Variants in MAP2K1 observed in about 807,000 individuals in gnomAD.
MAP2K1 encodes the protein dual specificity mitogen-activated protein kinase kinase 1.
Under a neutral mutation model 46.3 loss-of-function variants are expected in MAP2K1, and 16 were observed. The observed-to-expected ratio is 0.35, with a 90% CI of 0.23 to 0.52. The LOEUF is 0.52. Ranked by LOEUF, MAP2K1 falls within the 20% of genes least tolerant of loss-of-function variation. The pLI is 0.94. For synonymous variants in MAP2K1, 183 were observed against 185.6 expected (o/e 0.99, Z 0.11); for missense variants, 263 against 497.1 (o/e 0.53, Z 4.48).
intron 5 of MAP2K1, among the ~76,000 whole-genome samples, chr15:66,471,464 G>A (rs972846129): frequency 6.6e-6 from 1 of 152,176 alleles, no homozygotes; most frequent in Non-Finnish European, 1.5e-5. Flanking sequence ...GGGCCACAGA[G>A]CTAGTAGATG....
At chr15:66,438,856 C>T (rs138005043) in intron 3 of MAP2K1, among the ~76,000 whole-genome samples, 5 of 152,206 alleles carry the variant, frequency 3.3e-5, no homozygotes, top group African/African-American at 7.2e-5. Flanking sequence ...GCTTGGGACT[C>T]GATGGGGGAG....
chr15:66,463,762 G>A (rs1189464294), intron 5 of MAP2K1, among the ~76,000 whole-genome samples: 1 of 152,236 alleles, frequency 6.6e-6, no homozygotes. Context: ...GGGATTACAG[G>A]CGTGAGCCAC....
intron 1 of MAP2K1, among the ~76,000 whole-genome samples, chr15:66,417,946 C>T (rs967392529): frequency 6.6e-6 from 1 of 152,110 alleles, no homozygotes; most frequent in Non-Finnish European, 1.5e-5. Context: ...CCCGACCGTA[C>T]TTATGGTTCT....
At chr15:66,489,821 T>A in intron 10 of MAP2K1, 58 bp downstream of exon 10, 2 of 1,420,772 alleles carry the variant, frequency 1.4e-6, no homozygotes, top group Non-Finnish European at 2.0e-6. Flanking sequence ...TTCTTCTCTG[T>A]CAGTCATCTG....
At chr15:66,470,909 C>T (rs1892618238) in intron 5 of MAP2K1, among the ~76,000 whole-genome samples, 1 of 152,164 alleles carries the variant, frequency 6.6e-6, no homozygotes. Context: ...TTTAGGGAGA[C>T]ATGAGACATC....
Position 66,489,048 on chromosome 15 carries a change from CCTT to C in MAP2K1, c.961-164_961-162del, listed in dbSNP as rs1893149664. The C allele has an allele frequency of 5.9e-6, 4 of 677,362 alleles. No homozygotes were observed. The South Asian group carries it at 6.4e-5, about 11-fold the overall frequency. 42.0% of individuals were successfully genotyped at this position (677,362 alleles called of 1,614,324 possible). ...ATGGTTACCCAACAGGCAGCACTGG[CCTT>C]CTACCTGTGCCTTTCCTTGACTGGA... On this transcript the variant is annotated intron_variant, in intron 8 of 10. Transcript: ENST00000307102.
At chr15:66,396,995 CTTTTTTTTTTTTTTT>C (rs57043037) in intron 1 of MAP2K1, among the ~76,000 whole-genome samples, 2 of 39,246 alleles carry the variant, frequency 5.1e-5, no homozygotes, top group Non-Finnish European at 9.1e-5. Context: ...TGTAACGCTT[CTTTTTTTTTTTTTTT>C]TTTTTTTTTT....
chr15:66,460,493 A>G (rs907349661), intron 5 of MAP2K1, among the ~76,000 whole-genome samples: 7 of 152,172 alleles, frequency 4.6e-5, no homozygotes, highest in African/African-American at 1.7e-4. Context: ...TTTTACAGGA[A>G]ATAGCAAGTG....
chr15:66,465,061 A>G (rs1220294703), intron 5 of MAP2K1, among the ~76,000 whole-genome samples: 1 of 151,480 alleles, frequency 6.6e-6, no homozygotes, highest in African/African-American at 2.4e-5. Flanking sequence ...CATCTCTACC[A>G]AAAATACAAA....
chr15:66,475,080 G>A (rs185400251), intron 5 of MAP2K1, among the ~76,000 whole-genome samples: 15 of 152,198 alleles, frequency 9.9e-5, no homozygotes, highest in Non-Finnish European at 1.8e-4. Flanking sequence ...GGAAATTTGG[G>A]TGGGGGAAAA....
At chr15:66,453,744 A>G (rs1892095141) in intron 5 of MAP2K1, among the ~76,000 whole-genome samples, 1 of 152,160 alleles carries the variant, frequency 6.6e-6, no homozygotes, top group South Asian at 2.1e-4. Context: ...TCTGCCTCAA[A>G]TTTTTATTTG....
intron 1 of MAP2K1, among the ~76,000 whole-genome samples, chr15:66,400,174 AC>A (rs2093377988): frequency 6.6e-6 from 1 of 151,896 alleles, no homozygotes; most frequent in Non-Finnish European, 1.5e-5. Flanking sequence ...GCAAAAAAAA[AC>A]CTTTTCTGCT....
chr15:66,465,681 C>A (rs1892446114), intron 5 of MAP2K1, among the ~76,000 whole-genome samples: 1 of 152,056 alleles, frequency 6.6e-6, no homozygotes, highest in Admixed American at 6.6e-5. Context: ...GAGCGAAACT[C>A]CATCTCAAAA....
chr15:66,392,273 T>TTTA, intron 1 of MAP2K1, among the ~76,000 whole-genome samples: 1 of 136,948 alleles, frequency 7.3e-6, no homozygotes, highest in Non-Finnish European at 1.6e-5. Context: ...TTTTTTTTTT[T>TTTA]TTTTTTAAGA....
chr15:66,399,296 CATTT>C (rs1488641863), intron 1 of MAP2K1, among the ~76,000 whole-genome samples: 1 of 152,124 alleles, frequency 6.6e-6, no homozygotes, highest in African/African-American at 2.4e-5. Context: ...ATTTGTAATA[CATTT>C]AAAAAGTACC....
intron 5 of MAP2K1, among the ~76,000 whole-genome samples, chr15:66,459,389 G>C (rs1235585540): frequency 6.6e-6 from 1 of 151,748 alleles, no homozygotes; most frequent in African/African-American, 2.4e-5. Context: ...GGCCAAGATG[G>C]GTGGATCACT....
chr15:66,414,982 C>T, intron 1 of MAP2K1: 1 of 442,506 alleles, frequency 2.3e-6, no homozygotes. Flanking sequence ...GTAGGAAAGG[C>T]AGTAGCTGAA....
chr15:66,480,957 T>C (rs1250328792), intron 5 of MAP2K1, among the ~76,000 whole-genome samples: 3 of 151,950 alleles, frequency 2.0e-5, no homozygotes, highest in Non-Finnish European at 2.9e-5. Flanking sequence ...GAAGAAAAAA[T>C]GTTTGGAAAT....
At chr15:66,421,353 C>T (rs940914931) in intron 1 of MAP2K1, among the ~76,000 whole-genome samples, 5 of 151,826 alleles carry the variant, frequency 3.3e-5, no homozygotes, top group Non-Finnish European at 5.9e-5. Flanking sequence ...CCAGGCTGGT[C>T]TCAAACTCCT....
Sources: allele counts gnomAD v4.1 joint callset (sites outside exome capture counted in the v4.1 genomes callset), GRCh38; gene constraint gnomAD v4.1.1; transcripts MANE v1.5; gene names NCBI Gene and HGNC (gene_info 2026-07-23, HGNC 2026-07-21).